NELL1: variants seen among roughly 807,000 people sequenced by gnomAD.
The protein encoded by NELL1 is neural EGFL like 1.
A neutral mutation model predicts 107.4 loss-of-function variants in NELL1; 76 were observed. That is an observed-to-expected ratio of 0.71 (90% CI 0.59 to 0.86). The LOEUF is 0.86. Ranked by LOEUF, NELL1 falls within the 40% of genes least tolerant of loss-of-function variation. The pLI, the probability that NELL1 is intolerant of heterozygous loss-of-function variation, is 0.00. For missense variants in NELL1, 1,024 were observed against 1,005.5 expected, an observed-to-expected ratio of 1.02 and a Z score of -0.25; for synonymous variants, 353 against 341.2, an observed-to-expected ratio of 1.03 and a Z score of -0.38.
chr11:20,721,032 C>T, intron 2 of NELL1, among the ~76,000 whole-genome samples: 1 of 151,964 alleles, frequency 6.6e-6, no homozygotes, highest in East Asian at 1.9e-4. Context: ...GTACATTTTC[C>T]TCTTCCAATT....
intron 15 of NELL1, among the ~76,000 whole-genome samples, chr11:21,395,588 GC>G (rs1204360808): frequency 6.6e-6 from 1 of 151,386 alleles, no homozygotes; most frequent in Non-Finnish European, 1.5e-5. Flanking sequence ...CACTAAAATG[GC>G]ATTGGTGATC....
intron 12 of NELL1, among the ~76,000 whole-genome samples, chr11:20,960,854 C>A (rs551011184): frequency 6.6e-6 from 1 of 152,292 alleles, no homozygotes; most frequent in African/African-American, 2.4e-5. Flanking sequence ...CTAGATCAAC[C>A]ATAGACACAT....
chr11:21,411,712 T>C (rs184856415), intron 15 of NELL1, among the ~76,000 whole-genome samples: 1 of 152,058 alleles, frequency 6.6e-6, no homozygotes, highest in Non-Finnish European at 1.5e-5. Context: ...TTACTTTTTT[T>C]AAAAAGACGA....
chr11:21,501,774 G>A (rs1855149618), intron 15 of NELL1, among the ~76,000 whole-genome samples: 2 of 152,176 alleles, frequency 1.3e-5, no homozygotes, highest in Admixed American at 1.3e-4. Context: ...TGTTTGTGAT[G>A]GGGTAAGTGG....
chr11:21,540,869 A>T (rs1162411334), intron 16 of NELL1, among the ~76,000 whole-genome samples: 1 of 152,088 alleles, frequency 6.6e-6, no homozygotes, highest in Non-Finnish European at 1.5e-5. Flanking sequence ...AAGTCATTTA[A>T]AAAAAGACTA....
At chr11:21,256,402 G>C (rs1858769483) in intron 14 of NELL1, among the ~76,000 whole-genome samples, 1 of 152,050 alleles carries the variant, frequency 6.6e-6, no homozygotes, top group Non-Finnish European at 1.5e-5. Context: ...AAGCCAGGTA[G>C]AAAACAAATC....
intron 12 of NELL1, among the ~76,000 whole-genome samples, chr11:21,112,252 G>T (rs1172960647): frequency 6.6e-6 from 1 of 151,888 alleles, no homozygotes. Flanking sequence ...TTTATAGGCT[G>T]TCAGATCTTT....
intron 15 of NELL1, among the ~76,000 whole-genome samples, chr11:21,528,676 G>A (rs1855921393): frequency 6.6e-6 from 1 of 151,938 alleles, no homozygotes; most frequent in Non-Finnish European, 1.5e-5. Flanking sequence ...TAGCAACACA[G>A]AATGGACTAA....
intron 14 of NELL1, among the ~76,000 whole-genome samples, chr11:21,316,748 T>G (rs996733642): frequency 2.6e-5 from 4 of 152,146 alleles, no homozygotes; most frequent in Non-Finnish European, 5.9e-5. Context: ...TGCTGGGTCA[T>G]TCTCAGGAAA....
chr11:20,863,667 G>A (rs149517053), intron 4 of NELL1, among the ~76,000 whole-genome samples: 3,133 of 151,708 alleles, frequency 0.021, 67 homozygotes, highest in Non-Finnish European at 0.03. Flanking sequence ...CAGACGATGG[G>A]CAGCCAGGCA....
chr11:21,124,852 C>A (rs2133748059), intron 13 of NELL1, among the ~76,000 whole-genome samples: 1 of 152,232 alleles, frequency 6.6e-6, no homozygotes, highest in African/African-American at 2.4e-5. Flanking sequence ...CTGCCTGCCT[C>A]AGCCTCCCAA....
chr11:21,548,707 G>A (rs1405739312), intron 16 of NELL1, among the ~76,000 whole-genome samples: 1 of 151,622 alleles, frequency 6.6e-6, no homozygotes, highest in East Asian at 1.9e-4. Flanking sequence ...TTTGCATAAG[G>A]TTACTGTGTT....
intron 12 of NELL1, among the ~76,000 whole-genome samples, chr11:21,084,476 C>A (rs1267105804): frequency 6.6e-6 from 1 of 152,028 alleles, no homozygotes. Flanking sequence ...TTATAGTGAT[C>A]GCTTGATTTA....
intron 15 of NELL1, among the ~76,000 whole-genome samples, chr11:21,445,387 C>T (rs536710190): frequency 2.0e-5 from 3 of 152,012 alleles, no homozygotes; most frequent in South Asian, 2.1e-4. Flanking sequence ...AGTGCAATAG[C>T]GTGATCTCGG....
chr11:21,187,347 A>T (rs1565101595), intron 13 of NELL1, among the ~76,000 whole-genome samples: 1 of 151,806 alleles, frequency 6.6e-6, no homozygotes, highest in South Asian at 2.1e-4. Context: ...CCTTTTGGTA[A>T]TTAGAATAGC....
intron 15 of NELL1, among the ~76,000 whole-genome samples, chr11:21,382,256 G>A (rs1851632620): frequency 6.6e-6 from 1 of 151,882 alleles, no homozygotes; most frequent in Non-Finnish European, 1.5e-5. Flanking sequence ...ATATGTGGAA[G>A]GTGACTAATG....
chr11:21,002,061 A>G (rs1848263974), intron 12 of NELL1, among the ~76,000 whole-genome samples: 1 of 152,194 alleles, frequency 6.6e-6, no homozygotes, highest in African/African-American at 2.4e-5. Flanking sequence ...GCTAATGCAC[A>G]TGAAGTCTGT....
chr11:20,988,126 A>G (rs544438829), intron 12 of NELL1, among the ~76,000 whole-genome samples: 2 of 152,210 alleles, frequency 1.3e-5, no homozygotes, highest in African/African-American at 2.4e-5. Flanking sequence ...GAAATTTCAT[A>G]TCATTTAAGG....
At chr11:21,292,053 A>G (rs1303900464) in intron 14 of NELL1, among the ~76,000 whole-genome samples, 2 of 152,178 alleles carry the variant, frequency 1.3e-5, no homozygotes, top group African/African-American at 2.4e-5. Flanking sequence ...CCTATTCAAC[A>G]CAGTATTGGA....
Sources: allele counts gnomAD v4.1 joint callset (sites outside exome capture counted in the v4.1 genomes callset), GRCh38; gene constraint gnomAD v4.1.1; transcripts MANE v1.5; gene names NCBI Gene and HGNC (gene_info 2026-07-23, HGNC 2026-07-21).